SLC26A5: variants seen among roughly 807,000 people sequenced by gnomAD.
SLC26A5 encodes solute carrier family 26 member 5.
A neutral mutation model predicts 81.0 loss-of-function variants in SLC26A5; 51 were observed. The observed-to-expected ratio is 0.63, with a 90% CI of 0.50 to 0.80. SLC26A5 has a LOEUF of 0.80. Ranked by LOEUF, SLC26A5 falls within the 30% of genes least tolerant of loss-of-function variation. SLC26A5 has a pLI of 0.00. For synonymous variants in SLC26A5, 325 were observed against 332.8 expected (o/e 0.98, Z 0.25); for missense variants, 771 against 905.8 (o/e 0.85, Z 1.91).
At chr7:103,393,930 A>G (rs7808975) in intron 9 of SLC26A5, among the ~76,000 whole-genome samples, 149,972 of 152,284 alleles carry the variant, frequency 0.98, 73,898 homozygotes, top group East Asian at 1. Flanking sequence ...CATTTATTAT[A>G]TGCTTTCTCT....
At chr7:103,445,628 G>A (rs1013635511) in intron 1 of SLC26A5, 7 of 152,240 alleles carry the variant, frequency 4.6e-5, no homozygotes, top group African/African-American at 1.7e-4. Flanking sequence ...TGGGAGCTCC[G>A]GGCGGCCAAT....
At chr7:103,418,012 T>C (rs966106312) in intron 4 of SLC26A5, among the ~76,000 whole-genome samples, 4 of 152,198 alleles carry the variant, frequency 2.6e-5, no homozygotes, top group African/African-American at 9.7e-5. Flanking sequence ...AGTGTTGGGA[T>C]TACAGGTGTG....
At chr7:103,420,132 A>G (rs1180709662) in intron 4 of SLC26A5, among the ~76,000 whole-genome samples, 1 of 152,094 alleles carries the variant, frequency 6.6e-6, no homozygotes, top group Non-Finnish European at 1.5e-5. Context: ...GGTCCCTTGT[A>G]ATTAGAATAT....
chr7:103,377,895 T>C (rs922162954), intron 17 of SLC26A5, 96 bp from the exon 18 acceptor site: 60 of 1,167,710 alleles, frequency 5.1e-5, no homozygotes, highest in Non-Finnish European at 7.1e-5. Flanking sequence ...CTTGTGTTCT[T>C]AAGCTACTGA....
At chr7:103,429,983 C>T (rs953462998) in intron 2 of SLC26A5, among the ~76,000 whole-genome samples, 3 of 152,116 alleles carry the variant, frequency 2.0e-5, no homozygotes, top group African/African-American at 7.2e-5. Context: ...TTAAATTCCT[C>T]TGCCAAAGGA....
intron 11 of SLC26A5, among the ~76,000 whole-genome samples, chr7:103,391,023 G>A (rs775211253): frequency 3.9e-5 from 6 of 152,064 alleles, no homozygotes; most frequent in Non-Finnish European, 8.8e-5. Flanking sequence ...CCGCCACCAT[G>A]CCCAGCTAAT....
chr7:103,402,557 G>C (rs1337006252), intron 8 of SLC26A5, among the ~76,000 whole-genome samples: 1 of 151,932 alleles, frequency 6.6e-6, no homozygotes, highest in Admixed American at 6.6e-5. Context: ...GTGCCACCAT[G>C]TCTGGCTAAT....
In SLC26A5 at chr7:103,377,813, T is replaced by G. The variant is rs760987137; in HGVS notation, c.1786-14A>C. On this transcript the variant is annotated splice_polypyrimidine_tract_variant and intron_variant, in intron 17 of 19. Coordinates refer to ENST00000306312, the MANE Select transcript of SLC26A5 (RefSeq NM_198999.3). ...TACTTCTGCATCCTGTGTCAAAAAT[T>G]AAACCAAACCAGAATTTTATGAACA... 2 of 1,612,510 alleles carry G rather than the reference T, an allele frequency of 1.2e-6. No homozygotes were observed. The highest frequency in any genetic ancestry group is 8.5e-7 in the Non-Finnish European group (1 of 1,179,354).
chr7:103,384,287 C>T (rs1348829355), intron 14 of SLC26A5, among the ~76,000 whole-genome samples: 1 of 151,776 alleles, frequency 6.6e-6, no homozygotes, highest in African/African-American at 2.4e-5. Context: ...TGTGTTTGGC[C>T]TATATTCTAA....
Position 103,356,292 on chromosome 7 carries a change from G to A in SLC26A5, c.2042-3366C>T, listed in dbSNP as rs530202200. 5.9e-5 allele frequency among the ~76,000 whole-genome samples: 9 copies of A among 151,572 alleles called. No homozygotes were observed. In the East Asian group the frequency reaches 1.6e-3, roughly 26 times the overall value. On this transcript the variant is annotated intron_variant, in intron 19 of 19. Coordinates refer to the SLC26A5 transcript ENST00000339444. Reference sequence around the variant, plus strand: ...TAGATGTTAGGCTGTAACAATTTCTGTTACTATACACAGTGCTGTAGTGAA... The same window carrying A: ...TAGATGTTAGGCTGTAACAATTTCTATTACTATACACAGTGCTGTAGTGAA...
chr7:103,413,050 G>C lies in SLC26A5; in HGVS notation c.355C>G (p.Pro119Ala), dbSNP rs1185796780. 1 of 1,613,670 alleles carries C rather than the reference G, an allele frequency of 6.2e-7. No homozygotes were observed. Among genetic ancestry groups the C allele is most frequent in the African/African-American group, 1.3e-5 (1 of 74,864 alleles). ...PIFGLYSSFYPVIMYCFLGTS... is the reference protein window; with the variant it reads ...PIFGLYSSFYAVIMYCFLGTS... ...CCAAGAAAACAATACATGATAACAGGGTAAAATGAAGAGTACAGGCCAAAT... is the reference window on the plus strand; with the variant it reads ...CCAAGAAAACAATACATGATAACAGCGTAAAATGAAGAGTACAGGCCAAAT... The change falls in exon 5 of 20, where the codon CCT (proline) becomes GCT (alanine). Residue 119 changes from proline to alanine, a missense_variant. Physicochemically the swap from Pro to Ala is conservative, Grantham distance 27. Transcript: ENST00000306312.
intron 8 of SLC26A5, among the ~76,000 whole-genome samples, chr7:103,399,439 GC>G (rs1331610993): frequency 2.0e-5 from 3 of 152,072 alleles, no homozygotes; most frequent in African/African-American, 7.3e-5. Flanking sequence ...AGGTTCTAAT[GC>G]CATGTAGACA....
At chr7:103,437,447 G>C (rs115870681) in intron 2 of SLC26A5, among the ~76,000 whole-genome samples, 2,395 of 152,266 alleles carry the variant, frequency 0.016, 59 homozygotes, top group African/African-American at 0.055. Flanking sequence ...ATCCAAAGGA[G>C]TTGAAATCAA....
chr7:103,386,092 T>C (rs972692385), intron 14 of SLC26A5, among the ~76,000 whole-genome samples: 17 of 151,962 alleles, frequency 1.1e-4, no homozygotes, highest in African/African-American at 4.1e-4. Flanking sequence ...CACACCCAGC[T>C]ATTTTTTTTT....
intron 12 of SLC26A5, among the ~76,000 whole-genome samples, chr7:103,389,648 A>C (rs1366942452): frequency 2.6e-5 from 4 of 152,092 alleles, no homozygotes; most frequent in Non-Finnish European, 4.4e-5. Flanking sequence ...TTTGAGATGA[A>C]GTCTTGCTCT....
chr7:103,420,520 C>T (rs1007346145), intron 4 of SLC26A5, among the ~76,000 whole-genome samples: 11 of 152,066 alleles, frequency 7.2e-5, no homozygotes, highest in African/African-American at 2.4e-4. Context: ...AGGCTGGTCT[C>T]CAACTCCCAG....
chr7:103,428,604 C>G (rs1331369308), intron 2 of SLC26A5, among the ~76,000 whole-genome samples: 2 of 147,890 alleles, frequency 1.4e-5, no homozygotes, highest in African/African-American at 5.1e-5. Context: ...CTCTTGTTGC[C>G]CAGGCTGTAG....
intron 19 of SLC26A5, among the ~76,000 whole-genome samples, chr7:103,357,029 G>A (rs1459319706): frequency 6.6e-6 from 1 of 151,758 alleles, no homozygotes; most frequent in Non-Finnish European, 1.5e-5. Flanking sequence ...GGTTTTTGAA[G>A]GGTTAAATAG....
Position 103,377,799 on chromosome 7 carries a change from C to A in SLC26A5, c.1786G>T (p.Asp596Tyr), listed in dbSNP as rs774901004. Reference protein sequence around the residue: ...NMANATVVKADAEVDGEDATK... With the variant: ...NMANATVVKAYAEVDGEDATK... ...GCATCCTCTCCATCTACTTCTGCAT[C>A]CTGTGTCAAAAATTAAACCAAACCA... Residue 596 changes from aspartate (D) to tyrosine (Y), a missense_variant and splice_region_variant, in exon 18 of 20, where the codon GAT (aspartate) becomes TAT (tyrosine). Physicochemically the swap from Asp to Tyr is radical, Grantham distance 160. Coordinates refer to ENST00000306312, the MANE Select transcript of SLC26A5 (RefSeq NM_198999.3). The A allele has an allele frequency of 1.3e-5, 21 of 1,613,486 alleles. No homozygotes were observed. Among genetic ancestry groups the A allele is most frequent in the Non-Finnish European group, 1.7e-6 (2 of 1,179,978 alleles).
Sources: gnomAD v4.1 joint callset for allele counts (sites outside exome capture counted in the v4.1 genomes callset) on GRCh38, gnomAD v4.1.1 for gene constraint, MANE v1.5 for transcripts, NCBI Gene and HGNC (gene_info 2026-07-23, HGNC 2026-07-21) for gene names.